CDHR1: variants seen among roughly 807,000 people sequenced by gnomAD.
CDHR1 encodes cadherin related family member 1.
Under a neutral mutation model 72.1 loss-of-function variants are expected in CDHR1, and 61 were observed. The observed-to-expected ratio is 0.85, with a 90% confidence interval of 0.69 to 1.05. The LOEUF (loss-of-function observed/expected upper bound fraction) is 1.05, where lower values mean the gene tolerates loss of function less well. Ranked by LOEUF, CDHR1 falls within the 50% of genes least tolerant of loss-of-function variation. CDHR1 has a pLI of 0.00. For synonymous variants in CDHR1, 470 were observed against 448.1 expected (o/e 1.05, Z -0.62); for missense variants, 1,186 against 1,115.7 (o/e 1.06, Z -0.90).
In CDHR1 at chr10:84,200,685, C is replaced by T. The variant is rs1486109432; in HGVS notation, c.523C>T (p.Gln175Ter). The change falls in exon 6 of 17, where the codon CAG (glutamine) becomes TAG (stop). Residue 175 changes from glutamine (Q) to a stop codon, truncating the protein, a stop_gained and splice_region_variant. Transcript: ENST00000623527. LOFTEE classifies it high-confidence loss of function. ...TGGAGGGAGTGTCACCTACTTCCTG[C>T]AGGTAAGGCAGGACACACAGGACCT... ...GSGGSVTYFLQNLHSPFAVDR... is the reference protein window; with the variant it reads ...GSGGSVTYFL The T allele has an allele frequency of 3.1e-6, 5 of 1,606,674 alleles. No homozygotes were observed. The highest frequency in any genetic ancestry group is 4.3e-6 in the Non-Finnish European group (5 of 1,175,866).
At chr10:84,195,433 C>A (rs1280557185) in intron 1 of CDHR1, 61 bp from the exon 2 acceptor site, 6 of 1,474,568 alleles carry the variant, frequency 4.1e-6, no homozygotes, top group African/African-American at 1.4e-5. Context: ...GTGCGAAGCT[C>A]CCTCCTGGTG....
intron 16 of CDHR1, 102 bp from the exon 17 acceptor site, chr10:84,213,980 A>G: frequency 2.0e-6 from 3 of 1,509,384 alleles, no homozygotes; most frequent in Non-Finnish European, 2.8e-6. Context: ...TCCTGACTCC[A>G]GAAAGTTTAA....
rs886488298 is a variant in CDHR1 at position 84,217,704 on chromosome 10, C to T, written c.*3083C>T. On this transcript the variant is annotated 3_prime_UTR_variant, in exon 17 of 17. Coordinates refer to ENST00000623527, the MANE Select transcript of CDHR1 (RefSeq NM_033100.4). ...AGAGAGGACCCCCTCCATGCATCCT[C>T]ACCCCCCAGGATGTTTCCACCCACC... 2 of 985,406 alleles carry T rather than the reference C, an allele frequency of 2.0e-6. No individual in the cohort carries two copies. Among genetic ancestry groups the T allele is most frequent in the Non-Finnish European group, 1.2e-6 (1 of 830,044 alleles). 61.0% of individuals were successfully genotyped at this position (985,406 alleles called of 1,614,324 possible).
chr10:84,201,358 C>T (rs898244693), intron 6 of CDHR1, among the ~76,000 whole-genome samples: 2 of 152,180 alleles, frequency 1.3e-5, no homozygotes, highest in Non-Finnish European at 2.9e-5. Flanking sequence ...ACACCCTCTC[C>T]CCCGATGCCA....
Position 84,203,128 on chromosome 10 carries a change from G to A in CDHR1, c.783+5G>A. 6.2e-7 allele frequency: 1 copy of A among 1,614,150 alleles called. No homozygotes were observed. Reference sequence around the variant, plus strand: ...GTGTACGAGGACACCCTTCCGGTGGGTGGCTGTCCCCCTCAGCCAGCGATC... The same window carrying A: ...GTGTACGAGGACACCCTTCCGGTGGATGGCTGTCCCCCTCAGCCAGCGATC... On this transcript the variant is annotated splice_donor_5th_base_variant and intron_variant, in intron 8 of 16. Coordinates refer to ENST00000623527, the MANE Select transcript of CDHR1 (RefSeq NM_033100.4).
rs996028534 is a variant in CDHR1, at chr10:84,217,787, G to A, written c.*3166G>A. ...AAAAGAGAAGAGAGTGGATCCAGAG[G>A]GGAGTGGAGGACAGGGCAGATGCCA... On this transcript the variant is annotated 3_prime_UTR_variant, in exon 17 of 17. Coordinates refer to ENST00000623527, the MANE Select transcript of CDHR1 (RefSeq NM_033100.4). The A allele has an allele frequency of 2.0e-6, 2 of 985,344 alleles. No homozygotes were observed. The highest frequency in any genetic ancestry group is 2.4e-6 in the Non-Finnish European group (2 of 829,968). 61.0% of individuals were successfully genotyped at this position (985,344 alleles called of 1,614,324 possible).
intron 15 of CDHR1, 62 bp downstream of exon 15, chr10:84,212,469 T>C: frequency 1.5e-6 from 2 of 1,376,916 alleles, no homozygotes; most frequent in South Asian, 2.3e-5. Context: ...CAAGAGATAC[T>C]GAGGCATAAG....
chr10:84,202,995 C>A lies in CDHR1; in HGVS notation c.655C>A (p.Leu219Ile). ...TVVAKDGGGR[L>I]HGADVVFSAT... Reference sequence around the variant, plus strand: ...TCTTCTGCAGGATGGCGGTGGGAGGCTTCATGGGGCTGATGTGGTGTTCTC... The same window carrying A: ...TCTTCTGCAGGATGGCGGTGGGAGGATTCATGGGGCTGATGTGGTGTTCTC... Residue 219 changes from leucine (L) to isoleucine (I), a missense_variant, in exon 8 of 17, where the codon CTT (leucine) becomes ATT (isoleucine). Leu to Ile is a conservative substitution (Grantham distance 5, BLOSUM62 2). Coordinates refer to ENST00000623527, the MANE Select transcript of CDHR1 (RefSeq NM_033100.4). The A allele has an allele frequency of 6.2e-7, 1 of 1,614,204 alleles. No homozygotes were observed.
chr10:84,215,028 A>G lies in CDHR1; in HGVS notation c.*407A>G. ...CAGCAGGGCCCTGGCCACGTGGAGC[A>G]ACACTGACTAGAATCTGGATCCTGA... On this transcript the variant is annotated 3_prime_UTR_variant, in exon 17 of 17. Coordinates refer to ENST00000623527, the MANE Select transcript of CDHR1 (RefSeq NM_033100.4). 2.7e-6 allele frequency: 3 copies of G among 1,096,714 alleles called. No individual in the cohort carries two copies. Among genetic ancestry groups the G allele is most frequent in the Non-Finnish European group, 3.3e-6 (3 of 896,504 alleles). The allele number at this position is 1,096,714 out of a possible 1,614,324, so 67.9% of individuals were successfully genotyped here.
intron 7 of CDHR1, among the ~76,000 whole-genome samples, chr10:84,202,591 G>A (rs1226124059): frequency 6.6e-6 from 1 of 152,148 alleles, no homozygotes; most frequent in Non-Finnish European, 1.5e-5. Flanking sequence ...CCATTATGAT[G>A]CTCAGTGCGG....
rs921155418 is a variant in CDHR1 at position 84,217,509 on chromosome 10, T to C, written c.*2888T>C. The C allele has an allele frequency of 1.8e-5, 18 of 974,146 alleles. No homozygotes were observed. Among genetic ancestry groups the C allele is most frequent in the Non-Finnish European group, 2.1e-5 (17 of 819,728 alleles). 60.3% of individuals were successfully genotyped at this position (974,146 alleles called of 1,614,324 possible). ...GTGACTTTGGGCAAGAGGTCAAGTCTCTCTGGGCCTCACTTTCCTCATTAA... is the reference window on the plus strand; with the variant it reads ...GTGACTTTGGGCAAGAGGTCAAGTCCCTCTGGGCCTCACTTTCCTCATTAA... On this transcript the variant is annotated 3_prime_UTR_variant, in exon 17 of 17. Transcript: ENST00000623527.
At chr10:84,206,600 T>C (rs1414173016) in intron 10 of CDHR1, among the ~76,000 whole-genome samples, 1 of 152,200 alleles carries the variant, frequency 6.6e-6, no homozygotes, top group East Asian at 1.9e-4. Context: ...TTCAGCAGGA[T>C]TACAGCCACT....
At chr10:84,210,903 C>A in intron 12 of CDHR1, 98 bp from the exon 13 acceptor site, 2 of 1,337,030 alleles carry the variant, frequency 1.5e-6, no homozygotes, top group Non-Finnish European at 2.1e-6. Flanking sequence ...GGAGACACGG[C>A]AGATGGATGC....
At chr10:84,203,247 C>A in intron 8 of CDHR1, 124 bp downstream of exon 8, 1 of 1,275,750 alleles carries the variant, frequency 7.8e-7, no homozygotes, top group South Asian at 1.2e-5. Flanking sequence ...CACACAGAGG[C>A]CAGCTCTGGA....
intron 9 of CDHR1, 181 bp from the exon 10 acceptor site, chr10:84,205,646 T>A (rs916663020): frequency 1.5e-6 from 1 of 657,926 alleles, no homozygotes; most frequent in Non-Finnish European, 2.8e-6. Flanking sequence ...CTGCACTAAC[T>A]GTGTAGCCTT....
In CDHR1 at chr10:84,215,890, G is replaced by T; in HGVS notation, c.*1269G>T. ...CCCGCTACCGTCCTGGCCAGCTACC[G>T]TCAGAGAGAACCAGAGCTCCAAGTC... On this transcript the variant is annotated 3_prime_UTR_variant, in exon 17 of 17. Transcript: ENST00000623527. 1 of 985,408 alleles carries T rather than the reference G, an allele frequency of 1.0e-6. No homozygotes were observed. Among genetic ancestry groups the T allele is most frequent in the African/African-American group, 1.7e-5 (1 of 57,334 alleles). The allele number at this position is 985,408 out of a possible 1,614,324, so 61.0% of individuals were successfully genotyped here.
chr10:84,206,789 T>A (rs142213437), intron 10 of CDHR1, among the ~76,000 whole-genome samples: 1 of 152,278 alleles, frequency 6.6e-6, no homozygotes, highest in African/African-American at 2.4e-5. Context: ...AGCCAGAATT[T>A]GAGAACTCTG....
chr10:84,207,133 A>G (rs1842240382), intron 10 of CDHR1, among the ~76,000 whole-genome samples: 1 of 152,140 alleles, frequency 6.6e-6, no homozygotes, highest in South Asian at 2.1e-4. Flanking sequence ...ATTGTGGGAG[A>G]GAATGTCAAC....
At chr10:84,202,955 C>T (rs1842154186) in intron 7 of CDHR1, 25 bp from the exon 8 acceptor site, 2 of 1,614,112 alleles carry the variant, frequency 1.2e-6, no homozygotes, top group Non-Finnish European at 1.7e-6. Flanking sequence ...TCTTCACTCT[C>T]CTGTGGCCTC....
Sources: allele counts gnomAD v4.1 joint callset (sites outside exome capture counted in the v4.1 genomes callset), GRCh38; gene constraint gnomAD v4.1.1; transcripts MANE v1.5; gene names NCBI Gene and HGNC (gene_info 2026-07-23, HGNC 2026-07-21).